TMEM131L: variants seen among roughly 807,000 people sequenced by gnomAD.
The protein encoded by TMEM131L is transmembrane 131 like.
A neutral mutation model predicts 192.2 loss-of-function variants in TMEM131L; 54 were observed. That is an observed-to-expected ratio of 0.28 (90% CI 0.23 to 0.35). The LOEUF (loss-of-function observed/expected upper bound fraction) is 0.35, where lower values mean the gene tolerates loss of function less well. TMEM131L is among the 10% of genes least tolerant of loss of function. The pLI is 1.00. For synonymous variants in TMEM131L, 701 were observed against 704.9 expected (o/e 0.99, Z 0.09); for missense variants, 1,888 against 1,972.9 (o/e 0.96, Z 0.82).
chr4:153,473,264 G>A (rs1351701789), intron 2 of TMEM131L, among the ~76,000 whole-genome samples: 2 of 152,232 alleles, frequency 1.3e-5, no homozygotes, highest in African/African-American at 4.8e-5. Context: ...AGGAGTGAAT[G>A]ATATGAGGAG....
intron 26 of TMEM131L, 74 bp from the exon 27 acceptor site, chr4:153,620,682 G>C: frequency 1.1e-6 from 1 of 906,504 alleles, no homozygotes; most frequent in Non-Finnish European, 1.6e-6. Flanking sequence ...AGATGGAGTT[G>C]GTCTTCAAAC....
At chr4:153,475,233 C>T (rs778246417) in intron 3 of TMEM131L, among the ~76,000 whole-genome samples, 2 of 152,096 alleles carry the variant, frequency 1.3e-5, no homozygotes, top group African/African-American at 2.4e-5. Flanking sequence ...GTTTTCAGAT[C>T]GTTCCTTTTA....
chr4:153,540,850 A>G (rs945045766), intron 3 of TMEM131L, among the ~76,000 whole-genome samples: 4 of 152,206 alleles, frequency 2.6e-5, no homozygotes, highest in African/African-American at 9.7e-5. Context: ...TCAAAGAGGA[A>G]AAAGTCCTTC....
chr4:153,528,359 A>G (rs1304894077), intron 3 of TMEM131L, among the ~76,000 whole-genome samples: 1 of 152,216 alleles, frequency 6.6e-6, no homozygotes, highest in Admixed American at 6.5e-5. Context: ...TTTCCAGTGA[A>G]GTGGGAAAAC....
At chr4:153,570,104 A>C (rs1048194879) in intron 7 of TMEM131L, among the ~76,000 whole-genome samples, 4 of 152,212 alleles carry the variant, frequency 2.6e-5, no homozygotes, top group Non-Finnish European at 4.4e-5. Flanking sequence ...TGTTCTTGCT[A>C]GAATGTGCGT....
chr4:153,636,150 A>G (rs1734554638), intron 34 of TMEM131L, 151 bp from the exon 35 acceptor site: 2 of 757,436 alleles, frequency 2.6e-6, no homozygotes, highest in African/African-American at 1.8e-5. Context: ...TTGAGAAAAA[A>G]TGGAGTTAAA....
At chr4:153,543,401 A>G (rs933464916) in intron 3 of TMEM131L, among the ~76,000 whole-genome samples, 9 of 152,240 alleles carry the variant, frequency 5.9e-5, no homozygotes, top group Non-Finnish European at 1.2e-4. Context: ...ATCATGATGT[A>G]GAATTTTATA....
At chr4:153,629,218 C>T (rs143090859) in intron 31 of TMEM131L, among the ~76,000 whole-genome samples, 1 of 152,284 alleles carries the variant, frequency 6.6e-6, no homozygotes, top group African/African-American at 2.4e-5. Context: ...CACCACAGTT[C>T]CAAAGCCTCG....
At chr4:153,546,951 T>C in intron 3 of TMEM131L, among the ~76,000 whole-genome samples, 1 of 152,134 alleles carries the variant, frequency 6.6e-6, no homozygotes, top group South Asian at 2.1e-4. Context: ...AACAAATATT[T>C]GAAACATATG....
intron 3 of TMEM131L, among the ~76,000 whole-genome samples, chr4:153,533,693 C>G (rs1736094903): frequency 6.6e-6 from 1 of 152,180 alleles, no homozygotes; most frequent in Non-Finnish European, 1.5e-5. Context: ...GCATGATCCA[C>G]CTGATCAGGC....
chr4:153,475,240 T>C (rs1246875465), intron 3 of TMEM131L, among the ~76,000 whole-genome samples: 1 of 152,138 alleles, frequency 6.6e-6, no homozygotes, highest in Non-Finnish European at 1.5e-5. Context: ...GATCGTTCCT[T>C]TTAGTAAAAT....
intron 28 of TMEM131L, 72 bp from the exon 29 acceptor site, chr4:153,622,826 C>A (rs547890674): frequency 9.3e-6 from 14 of 1,499,188 alleles, no homozygotes; most frequent in South Asian, 9.1e-5. Flanking sequence ...CCTGTCACCT[C>A]TCTCTTTCTG....
intron 9 of TMEM131L, among the ~76,000 whole-genome samples, chr4:153,582,439 T>G (rs1267238980): frequency 4.5e-5 from 6 of 134,490 alleles, no homozygotes; most frequent in Admixed American, 1.5e-4. Flanking sequence ...TGTTGTTTTT[T>G]TTTTTTTTTT....
intron 3 of TMEM131L, among the ~76,000 whole-genome samples, chr4:153,520,980 A>G (rs552981736): frequency 6.6e-6 from 1 of 152,322 alleles, no homozygotes; most frequent in South Asian, 2.1e-4. Context: ...AGGAATGAGT[A>G]GGTGAAGTGA....
intron 21 of TMEM131L, 53 bp from the exon 22 acceptor site, chr4:153,602,099 A>G (rs1019120506): frequency 1.9e-6 from 2 of 1,069,718 alleles, no homozygotes; most frequent in Non-Finnish European, 2.6e-6. Flanking sequence ...AAATTATTTT[A>G]AATAAATTTT....
intron 3 of TMEM131L, among the ~76,000 whole-genome samples, chr4:153,510,898 C>A (rs1300858804): frequency 1.3e-5 from 2 of 150,174 alleles, no homozygotes; most frequent in South Asian, 2.1e-4. Context: ...AAAAAAAAAA[C>A]AAGAAAAGAA....
chr4:153,511,385 A>G (rs1734345540), intron 3 of TMEM131L, among the ~76,000 whole-genome samples: 1 of 152,198 alleles, frequency 6.6e-6, no homozygotes, highest in Non-Finnish European at 1.5e-5. Context: ...AGAACAGAAA[A>G]CCAAATACCA....
intron 7 of TMEM131L, among the ~76,000 whole-genome samples, chr4:153,562,397 A>C (rs1173889823): frequency 6.6e-6 from 1 of 152,184 alleles, no homozygotes; most frequent in Non-Finnish European, 1.5e-5. Flanking sequence ...TAAACCTAAG[A>C]AATAATTGTG....
rs1234436856 is a variant in TMEM131L, at chr4:153,581,390, C to T, written c.739-17C>T. On this transcript the variant is annotated splice_polypyrimidine_tract_variant and intron_variant, in intron 8 of 34. Coordinates refer to ENST00000409959, the MANE Select transcript of TMEM131L (RefSeq NM_001131007.2). ...ATGATTTTTTTTTTCCTTTTTTCCT[C>T]CTCCTTCCAACCATAGGGTTGTTAT... is the stretch of plus-strand genomic sequence containing the variant. 4.7e-6 allele frequency: 7 copies of T among 1,501,318 alleles called. No individual in the cohort carries two copies. The highest frequency in any genetic ancestry group is 6.2e-6 in the Non-Finnish European group (7 of 1,121,716). 93.0% of individuals were successfully genotyped at this position (1,501,318 alleles called of 1,614,324 possible). A position where few individuals can be genotyped will look rare whatever the true frequency, so the allele number is the denominator to read the frequency against.
Sources: gnomAD v4.1 joint callset for allele counts (sites outside exome capture counted in the v4.1 genomes callset) on GRCh38, gnomAD v4.1.1 for gene constraint, MANE v1.5 for transcripts, NCBI Gene and HGNC (gene_info 2026-07-23, HGNC 2026-07-21) for gene names.